Variants in BIRC6 observed in about 807,000 individuals in gnomAD.
BIRC6 encodes baculoviral IAP repeat containing 6.
In BIRC6, 98 loss-of-function variants were observed where a neutral mutation model predicts 503.3. The observed-to-expected ratio is 0.19, with a 90% CI of 0.17 to 0.23. The LOEUF is 0.23. BIRC6 is among the 10% of genes least tolerant of loss of function. The pLI is 1.00. For synonymous variants in BIRC6, 2,240 were observed against 2,078.7 expected (o/e 1.08, Z -2.11); for missense variants, 5,360 against 5,806.0 (o/e 0.92, Z 2.50).
intron 10 of BIRC6, among the ~76,000 whole-genome samples, chr2:32,427,175 C>T (rs1298039060): frequency 1.3e-5 from 2 of 152,062 alleles, no homozygotes; most frequent in Non-Finnish European, 2.9e-5. Context: ...AGTTTTTGCC[C>T]ATTATTTTTT....
chr2:32,424,786 T>A (rs967738218), intron 10 of BIRC6, among the ~76,000 whole-genome samples: 1 of 152,156 alleles, frequency 6.6e-6, no homozygotes. Flanking sequence ...GTGCTGGGAT[T>A]ACAGGTGTGA....
chr2:32,469,385 C>T lies in BIRC6; in HGVS notation c.6128-10C>T. The stretch of plus-strand genomic sequence containing the variant: ...AATAGGAAAGTTTACTGTTTTCTTT[C>T]TTGTAATAGGACACTCTGTTCCTGC... On this transcript the variant is annotated splice_polypyrimidine_tract_variant and intron_variant, in intron 29 of 73. Transcript: ENST00000421745. 1 of 1,597,056 alleles carries T rather than the reference C, an allele frequency of 6.3e-7. No individual in the cohort carries two copies. Among genetic ancestry groups the T allele is most frequent in the Admixed American group, 1.8e-5 (1 of 56,868 alleles).
intron 10 of BIRC6, among the ~76,000 whole-genome samples, chr2:32,420,163 T>G (rs1015253079): frequency 6.6e-6 from 1 of 152,232 alleles, no homozygotes; most frequent in Admixed American, 6.5e-5. Flanking sequence ...GTAATCTTTC[T>G]TTTTTAGTTT....
rs2044034322 is a variant in BIRC6 at position 32,430,955 on chromosome 2, T to A, written c.3113T>A (p.Phe1038Tyr). The change falls in exon 12 of 74, where the codon TTT becomes TAT. Residue 1038 changes from phenylalanine to tyrosine, a missense_variant. By Grantham distance (22) the Phe-to-Tyr change is conservative. Coordinates refer to ENST00000421745, the MANE Select transcript of BIRC6 (RefSeq NM_016252.4). ...LTRFETLTPR[F>Y]SATVPPCWVE... Reference sequence around the variant, plus strand: ...CGCTTTGAGACTTTGACTCCAAGGTTTTCAGCGACTGTTCCTCCATGCTGG... The same window carrying A: ...CGCTTTGAGACTTTGACTCCAAGGTATTCAGCGACTGTTCCTCCATGCTGG... 1 of 1,613,336 alleles carries A rather than the reference T, an allele frequency of 6.2e-7. No homozygotes were observed. The highest frequency in any genetic ancestry group is 1.7e-5 in the Admixed American group (1 of 59,950).
chr2:32,550,850 A>G (rs1244408564), intron 65 of BIRC6, among the ~76,000 whole-genome samples: 74 of 152,244 alleles, frequency 4.9e-4, no homozygotes, highest in Non-Finnish European at 1.5e-5. Flanking sequence ...TTTTTGGTAA[A>G]TGTATGGAAT....
At chr2:32,595,933 C>T (rs187341246) in intron 68 of BIRC6, among the ~76,000 whole-genome samples, 12 of 152,228 alleles carry the variant, frequency 7.9e-5, no homozygotes, top group Admixed American at 2.6e-4. Flanking sequence ...AGCCTTTTGC[C>T]TGACTCAGCT....
At position 32,513,097 on chromosome 2, in the gene BIRC6, G is replaced by A; in HGVS notation, c.10511G>A (p.Ser3504Asn). Residue 3504 changes from serine (S) to asparagine (N), a missense_variant, in exon 54 of 74, where the codon AGT (serine) becomes AAT (asparagine). Physicochemically the swap from Ser to Asn is conservative, Grantham distance 46. Around this residue, in one of 16 missense-constraint regions of BIRC6, gnomAD observed 878 missense variants for 928.9 expected, o/e 0.95. Coordinates refer to ENST00000421745, the MANE Select transcript of BIRC6 (RefSeq NM_016252.4). ...TGTGTAGCAGCCATTCTGTGGCATAGTTATGAGCTGCTTGTAGAATATGAC... is the reference window on the plus strand; with the variant it reads ...TGTGTAGCAGCCATTCTGTGGCATAATTATGAGCTGCTTGTAGAATATGAC... ...LHCVAAILWH[S>N]YELLVEYDLP... 6.2e-7 allele frequency: 1 copy of A among 1,613,924 alleles called. No homozygotes were observed. Among genetic ancestry groups the A allele is most frequent in the Non-Finnish European group, 8.5e-7 (1 of 1,179,866 alleles).
chr2:32,519,960 C>T (rs2055470148), intron 57 of BIRC6, among the ~76,000 whole-genome samples: 1 of 152,196 alleles, frequency 6.6e-6, no homozygotes, highest in Admixed American at 6.5e-5. Flanking sequence ...CATTCCACCT[C>T]ACAAGATAGT....
At position 32,467,972 on chromosome 2, in the gene BIRC6, C is replaced by T. The variant is rs770421994; in HGVS notation, c.5641C>T (p.His1881Tyr). 128 of 1,613,570 alleles carry T rather than the reference C, an allele frequency of 7.9e-5. 1 individual carries two copies. Among genetic ancestry groups the T allele is most frequent in the Non-Finnish European group, 4.4e-5 (52 of 1,179,780 alleles). The change falls in exon 28 of 74, where the codon CAT becomes TAT. Residue 1881 changes from histidine to tyrosine, a missense_variant. By Grantham distance (83) the His-to-Tyr change is moderately conservative. This residue lies in a region of BIRC6 where 2,299 missense variants were observed against 2,267.2 expected (regional missense o/e 1.01). Coordinates refer to ENST00000421745, the MANE Select transcript of BIRC6 (RefSeq NM_016252.4). ...AATCCCATTAGGATTTTACTATGGT[C>T]ATACCTACATCTTGCCTTGGGAAAG... ...AKIPLGFYYG[H>Y]TYILPWESEL...
In BIRC6 at chr2:32,357,287, C is replaced by G. The variant is rs1490824848; in HGVS notation, c.126C>G (p.Ser42=). ...CGGCGGCCTCGGGCCCCGGCTGCTC[C>G]TCGGCGGCGGGGGCGGGGGCGGCCG... The part of the protein sequence containing the change: ...AAAAASGPGC[S]SAAGAGAAGV... The change falls in exon 1 of 74, where the codon TCC becomes TCG. Residue 42 remains serine (S), a synonymous_variant. Coordinates refer to ENST00000421745, the MANE Select transcript of BIRC6 (RefSeq NM_016252.4). The surrounding 1 kb of genome is among the most constrained non-coding windows in gnomAD (Gnocchi z 4.9). The G allele has an allele frequency of 2.0e-6, 3 of 1,524,896 alleles. No homozygotes were observed. Among genetic ancestry groups the G allele is most frequent in the South Asian group, 2.4e-5 (2 of 82,114 alleles). The allele number at this position is 1,524,896 out of a possible 1,614,324, so 94.5% of individuals were successfully genotyped here.
chr2:32,438,563 T>C (rs2045011860), intron 15 of BIRC6, among the ~76,000 whole-genome samples: 1 of 148,826 alleles, frequency 6.7e-6, no homozygotes, highest in Admixed American at 6.7e-5. Flanking sequence ...GTGTTCTTTT[T>C]TTTTTTTTTT....
At chr2:32,375,308 G>A (rs1281148328) in intron 1 of BIRC6, among the ~76,000 whole-genome samples, 1 of 149,788 alleles carries the variant, frequency 6.7e-6, no homozygotes, top group Non-Finnish European at 1.5e-5. Context: ...AATGGTAAGA[G>A]CATACATCCT....
At chr2:32,591,365 T>C (rs73922761) in intron 66 of BIRC6, among the ~76,000 whole-genome samples, 7,503 of 152,238 alleles carry the variant, frequency 0.049, 336 homozygotes, top group African/African-American at 0.12. Flanking sequence ...TTCTTAATTA[T>C]GGTAAAAAAA....
At chr2:32,602,003 A>G (rs1332760723) in intron 70 of BIRC6, among the ~76,000 whole-genome samples, 1 of 152,252 alleles carries the variant, frequency 6.6e-6, no homozygotes, top group African/African-American at 2.4e-5. Flanking sequence ...AGAAATACAC[A>G]AAAATATAAA....
At chr2:32,464,970 A>T in intron 25 of BIRC6, 95 bp from the exon 26 acceptor site, 1 of 1,310,946 alleles carries the variant, frequency 7.6e-7, no homozygotes, top group South Asian at 1.5e-5. Flanking sequence ...ACATTAAGAG[A>T]AGAAACTTAT....
Position 32,357,542 on chromosome 2 carries a change from C to A in BIRC6, c.325+56C>A. 1 of 1,513,640 alleles carries A rather than the reference C, an allele frequency of 6.6e-7. No homozygotes were observed. 93.8% of individuals were successfully genotyped at this position (1,513,640 alleles called of 1,614,324 possible). On this transcript the variant is annotated intron_variant, in intron 1 of 73. Coordinates refer to ENST00000421745, the MANE Select transcript of BIRC6 (RefSeq NM_016252.4). This position sits in a 1 kb window ranked among gnomAD's most constrained non-coding sequence, Gnocchi z 4.9. The stretch of plus-strand genomic sequence containing the variant: ...AGCCGGGGAAAGAAGCCGTCCAGCC[C>A]CGGGGCTCGGCCTCGCGACTCGGGG...
chr2:32,392,183 A>G, intron 5 of BIRC6, 33 bp downstream of exon 5: 2 of 1,437,550 alleles, frequency 1.4e-6, no homozygotes, highest in South Asian at 2.5e-5. Flanking sequence ...TACTTTTCTC[A>G]GTAGGCCTTT....
chr2:32,437,007 G>A (rs1285589026), intron 15 of BIRC6, among the ~76,000 whole-genome samples: 1 of 148,388 alleles, frequency 6.7e-6, no homozygotes, highest in African/African-American at 2.5e-5. Flanking sequence ...TCGTGCCTTA[G>A]CCTTCTGAGT....
At chr2:32,429,394 G>C in intron 11 of BIRC6, 99 bp downstream of exon 11, 1 of 930,036 alleles carries the variant, frequency 1.1e-6, no homozygotes. Flanking sequence ...AGTAAGAAGT[G>C]ATTCTCAACC....
Sources: allele counts gnomAD v4.1 joint callset (sites outside exome capture counted in the v4.1 genomes callset), GRCh38; gene constraint gnomAD v4.1.1; regional missense constraint gnomAD v4.1.1; non-coding constraint Gnocchi (gnomAD v3.1); transcripts MANE v1.5; gene names NCBI Gene and HGNC (gene_info 2026-07-23, HGNC 2026-07-21).